RICTOR: variants seen among roughly 807,000 people sequenced by gnomAD.
RICTOR encodes rapamycin-insensitive companion of mTOR.
A neutral mutation model predicts 214.9 loss-of-function variants in RICTOR; 49 were observed. The ratio of observed to expected loss-of-function variants is 0.23; its 90% CI spans 0.18 to 0.29. The LOEUF (loss-of-function observed/expected upper bound fraction) is 0.29, where lower values mean the gene tolerates loss of function less well. Among genes scored for constraint, RICTOR ranks in the 10% least tolerant of loss-of-function variants. The pLI is 1.00. For missense variants in RICTOR, 1,625 were observed against 2,047.0 expected, an observed-to-expected ratio of 0.79 and a Z score of 3.98; for synonymous variants, 717 against 711.3, an observed-to-expected ratio of 1.01 and a Z score of -0.13.
intron 2 of RICTOR, among the ~76,000 whole-genome samples, chr5:39,060,299 T>A (rs753744605): frequency 6.6e-6 from 1 of 152,102 alleles, no homozygotes; most frequent in African/African-American, 2.4e-5. Flanking sequence ...ATGTTATGCA[T>A]AGTAGAGACT....
chr5:38,968,290 G>A (rs1026549796), intron 11 of RICTOR, among the ~76,000 whole-genome samples: 19 of 152,198 alleles, frequency 1.2e-4, no homozygotes, highest in Non-Finnish European at 1.5e-5. Context: ...TTACTGAACT[G>A]TTTGTGGTGA....
intron 7 of RICTOR, 135 bp downstream of exon 7, chr5:38,990,814 T>TATGATATATGAG (rs1286966458): frequency 1.2e-5 from 2 of 168,016 alleles, no homozygotes; most frequent in African/African-American, 1.1e-4. Context: ...ATATGAGATA[T>TATGATATATGAG]ATGAGATATA....
At chr5:38,992,854 G>C (rs772783907) in intron 6 of RICTOR, among the ~76,000 whole-genome samples, 1 of 152,036 alleles carries the variant, frequency 6.6e-6, no homozygotes, top group Non-Finnish European at 1.5e-5. Context: ...GGCATGACAG[G>C]GCAGACATAT....
At chr5:39,035,095 A>G (rs1367132021) in intron 2 of RICTOR, among the ~76,000 whole-genome samples, 3 of 152,210 alleles carry the variant, frequency 2.0e-5, no homozygotes, top group Non-Finnish European at 4.4e-5. Context: ...CTGACACCTC[A>G]CACGGCCAGG....
intron 2 of RICTOR, among the ~76,000 whole-genome samples, chr5:39,047,700 T>C (rs1757587733): frequency 6.6e-6 from 1 of 152,228 alleles, no homozygotes. Flanking sequence ...GGCTTTGCTG[T>C]ATGAAATGAG....
intron 24 of RICTOR, 117 bp from the exon 25 acceptor site, chr5:38,957,847 CGTTCCTAAA>C: frequency 1.8e-6 from 1 of 547,818 alleles, no homozygotes; most frequent in East Asian, 3.2e-5. Context: ...AGGAATAGTT[CGTTCCTAAA>C]ACTAAAAGGT....
intron 2 of RICTOR, among the ~76,000 whole-genome samples, chr5:39,068,117 G>A (rs1759030085): frequency 6.6e-6 from 1 of 152,190 alleles, no homozygotes; most frequent in African/African-American, 2.4e-5. Context: ...ACTGGGATAA[G>A]GAAAGATCTC....
Position 38,945,650 on chromosome 5 carries a change from T to C in RICTOR, c.4474A>G (p.Ile1492Val). The change falls in exon 34 of 38, where the codon ATA becomes GTA. Residue 1492 changes from isoleucine (I) to valine (V), a missense_variant. By Grantham distance (29) the Ile-to-Val change is conservative (BLOSUM62 3). Coordinates refer to ENST00000357387, the MANE Select transcript of RICTOR (RefSeq NM_152756.5). The part of the protein sequence containing the change: ...LLRQQMSLTE[I>V]MNSIHSDASL... ...GCATCTGAATGGATTGAATTCATTA[T>C]TTCCGTAAGACTCATCTGCTGTCGT... is the stretch of plus-strand genomic sequence containing the variant. 1 of 1,614,010 alleles carries C rather than the reference T, an allele frequency of 6.2e-7. No homozygotes were observed. The highest frequency in any genetic ancestry group is 8.5e-7 in the Non-Finnish European group (1 of 1,179,860).
intron 36 of RICTOR, 117 bp downstream of exon 36, chr5:38,944,329 G>A (rs1378723827): frequency 2.0e-6 from 2 of 995,312 alleles, no homozygotes; most frequent in Non-Finnish European, 3.1e-6. Context: ...GGTATGCAAT[G>A]CAGTTTAGAA....
At chr5:39,029,354 CTAAT>C (rs902969163) in intron 2 of RICTOR, among the ~76,000 whole-genome samples, 37 of 152,026 alleles carry the variant, frequency 2.4e-4, no homozygotes, top group African/African-American at 8.0e-4. Flanking sequence ...CCATTATTCA[CTAAT>C]TATTCATTTA....
At chr5:39,005,024 G>A (rs928815838) in intron 3 of RICTOR, among the ~76,000 whole-genome samples, 10 of 152,146 alleles carry the variant, frequency 6.6e-5, no homozygotes, top group East Asian at 3.9e-4. Context: ...CAGGTGATCC[G>A]CCCGCCTTGG....
At chr5:39,065,226 G>A (rs564205199) in intron 2 of RICTOR, among the ~76,000 whole-genome samples, 4 of 152,258 alleles carry the variant, frequency 2.6e-5, no homozygotes, top group African/African-American at 9.6e-5. Context: ...GCGTGTGCAG[G>A]CATCTCACAT....
chr5:39,053,031 G>C (rs568372270), intron 2 of RICTOR, among the ~76,000 whole-genome samples: 4 of 152,186 alleles, frequency 2.6e-5, no homozygotes, highest in Admixed American at 6.5e-5. Context: ...AAATTTGTAA[G>C]AGTATCCAAT....
chr5:39,074,220 T>G, intron 1 of RICTOR, 62 bp from the exon 2 acceptor site: 2 of 1,578,474 alleles, frequency 1.3e-6, no homozygotes, highest in Non-Finnish European at 1.7e-6. Flanking sequence ...GCGGCTGCCC[T>G]GGCTCCGGCC....
chr5:38,990,523 T>TGATATATAC (rs1752522868), intron 7 of RICTOR, among the ~76,000 whole-genome samples: 1 of 129,812 alleles, frequency 7.7e-6, no homozygotes, highest in Admixed American at 8.3e-5. Flanking sequence ...ACGATATATA[T>TGATATATAC]ACGATATATA....
chr5:38,959,430 T>C, intron 21 of RICTOR, 109 bp from the exon 22 acceptor site: 1 of 683,456 alleles, frequency 1.5e-6, no homozygotes, highest in Non-Finnish European at 2.4e-6. Context: ...CAAATAAAAA[T>C]TGTATTATTC....
rs1331849390 is a variant in RICTOR, at chr5:38,971,935, C to A, written c.914G>T (p.Gly305Val). ...WAGIINLCKP[G>V]NSGIQSLIGV... ...TATTAGAGACTGGATCCCAGAATTT[C>A]CAGGTTTACATAAATTAATAATACC... is the stretch of plus-strand genomic sequence containing the variant. Residue 305 changes from glycine (G) to valine (V), a missense_variant, in exon 11 of 38, where the codon GGA becomes GTA. This residue lies in a region of RICTOR where 258 missense variants were observed against 393.7 expected (regional missense o/e 0.66). Transcript: ENST00000357387. 6.8e-7 allele frequency: 1 copy of A among 1,469,914 alleles called. No homozygotes were observed. Among genetic ancestry groups the A allele is most frequent in the Admixed American group, 1.7e-5 (1 of 57,794 alleles). 91.1% of individuals were successfully genotyped at this position (1,469,914 alleles called of 1,614,324 possible). A position where few individuals can be genotyped will look rare whatever the true frequency, so the allele number is the denominator to read the frequency against.
chr5:39,072,660 G>C (rs1283477635), intron 2 of RICTOR, among the ~76,000 whole-genome samples: 1 of 152,096 alleles, frequency 6.6e-6, no homozygotes, highest in African/African-American at 2.4e-5. Flanking sequence ...TTTTTCACAT[G>C]TGTGTTATAG....
intron 2 of RICTOR, among the ~76,000 whole-genome samples, chr5:39,068,858 C>T (rs1271964129): frequency 6.6e-6 from 1 of 152,170 alleles, no homozygotes; most frequent in Non-Finnish European, 1.5e-5. Flanking sequence ...AGTGGGTACA[C>T]TTTGGGGTGC....
Sources: allele counts gnomAD v4.1 joint callset (sites outside exome capture counted in the v4.1 genomes callset), GRCh38; gene constraint gnomAD v4.1.1; regional missense constraint gnomAD v4.1.1; transcripts MANE v1.5; gene names NCBI Gene and HGNC (gene_info 2026-07-23, HGNC 2026-07-21).